The following STK32A variants were observed in gnomAD, a reference collection of about 807,000 sequenced individuals.
STK32A encodes serine/threonine-protein kinase 32A.
A neutral mutation model predicts 53.2 loss-of-function variants in STK32A; 41 were observed. That is an observed-to-expected ratio of 0.77 (90% CI 0.60 to 1.00). The LOEUF is 1.00. Ranked by LOEUF, STK32A falls within the 50% of genes least tolerant of loss-of-function variation. The pLI is 0.00. For missense variants in STK32A, 458 were observed against 485.8 expected, an observed-to-expected ratio of 0.94 and a Z score of 0.54; for synonymous variants, 166 against 162.8, an observed-to-expected ratio of 1.02 and a Z score of -0.15.
At chr5:147,245,533 T>G (rs1267244720) in intron 2 of STK32A, among the ~76,000 whole-genome samples, 1 of 152,110 alleles carries the variant, frequency 6.6e-6, no homozygotes, top group African/African-American at 2.4e-5. Flanking sequence ...AAAAAAGAAA[T>G]TTTTACAGGA....
At chr5:147,373,444 A>C (rs1757094814) in intron 10 of STK32A, 150 bp downstream of exon 10, 2 of 1,095,358 alleles carry the variant, frequency 1.8e-6, no homozygotes. Flanking sequence ...TGAGACATGC[A>C]CAGGGTAAGT....
chr5:147,372,739 G>A (rs1561754615), intron 9 of STK32A, among the ~76,000 whole-genome samples: 1 of 152,274 alleles, frequency 6.6e-6, no homozygotes, highest in African/African-American at 2.4e-5. Context: ...ACAATTCTTA[G>A]TAGGAAATGA....
the STK32A span, chr5:147,395,637 C>A: frequency 6.2e-6 from 10 of 1,613,914 alleles, no homozygotes; most frequent in African/African-American, 9.3e-5. Context: ...GCAGAGCCTG[C>A]GGGGGTGCCA....
chr5:147,368,011 GTA>G (rs1756844600), intron 8 of STK32A, among the ~76,000 whole-genome samples: 1 of 152,166 alleles, frequency 6.6e-6, no homozygotes, highest in Admixed American at 6.5e-5. Flanking sequence ...TTACAGAAAA[GTA>G]TATGTCTTAA....
chr5:147,339,564 C>T (rs1459688186), intron 5 of STK32A, among the ~76,000 whole-genome samples: 3 of 152,184 alleles, frequency 2.0e-5, no homozygotes, highest in East Asian at 3.9e-4. Context: ...GCTCCACCAA[C>T]AGTTTGCACC....
chr5:147,357,011 C>G (rs1023760774), intron 7 of STK32A, among the ~76,000 whole-genome samples: 2 of 152,060 alleles, frequency 1.3e-5, no homozygotes, highest in African/African-American at 4.8e-5. Context: ...TGTGTTCTCA[C>G]CACAGAAAAC....
chr5:147,384,986 A>G lies in STK32A; in HGVS notation c.*1003A>G, dbSNP rs1757594998. The G allele has an allele frequency of 6.6e-6, 1 of 152,430 alleles. No homozygotes were observed. The highest frequency in any genetic ancestry group is 1.5e-5 in the Non-Finnish European group (1 of 68,202). The allele number at this position is 152,430 out of a possible 1,614,324, so 9.4% of individuals were successfully genotyped here. On this transcript the variant is annotated 3_prime_UTR_variant, in exon 13 of 13. Coordinates refer to ENST00000397936, the MANE Select transcript of STK32A (RefSeq NM_001112724.2). ...AAGTATATGGGAAGTATCTTTTCTC[A>G]GTAAAGCCCAATACAGTGTCACCTT...
intron 5 of STK32A, among the ~76,000 whole-genome samples, chr5:147,334,753 C>G (rs1296484954): frequency 2.0e-5 from 3 of 152,146 alleles, no homozygotes; most frequent in Admixed American, 1.3e-4. Context: ...ATTTAGCATC[C>G]TCAGCTTATC....
intron 8 of STK32A, among the ~76,000 whole-genome samples, chr5:147,367,866 T>G (rs1275845396): frequency 6.6e-6 from 1 of 152,194 alleles, no homozygotes; most frequent in African/African-American, 2.4e-5. Flanking sequence ...AATGACCAAC[T>G]ATGCTACCTG....
intron 2 of STK32A, among the ~76,000 whole-genome samples, chr5:147,248,013 C>T (rs1413718773): frequency 2.0e-5 from 3 of 150,128 alleles, no homozygotes; most frequent in African/African-American, 4.9e-5. Flanking sequence ...CCCAGCTACT[C>T]GGGAGGCTGA....
intron 4 of STK32A, among the ~76,000 whole-genome samples, chr5:147,280,127 A>G (rs1751983799): frequency 6.6e-6 from 1 of 152,118 alleles, no homozygotes; most frequent in Non-Finnish European, 1.5e-5. Flanking sequence ...TGGGTCCACA[A>G]GCAGGCCATT....
intron 8 of STK32A, 138 bp downstream of exon 8, chr5:147,361,752 C>G: frequency 1.5e-6 from 1 of 671,320 alleles, no homozygotes; most frequent in South Asian, 1.8e-5. Flanking sequence ...TGATAACACC[C>G]CTTGAGATTT....
At chr5:147,348,454 G>C (rs189415578) in intron 6 of STK32A, among the ~76,000 whole-genome samples, 3 of 152,132 alleles carry the variant, frequency 2.0e-5, no homozygotes, top group Admixed American at 2.0e-4. Flanking sequence ...TAGAGTTGAG[G>C]GGGGACGGGG....
intron 2 of STK32A, among the ~76,000 whole-genome samples, chr5:147,270,874 T>C (rs1232310552): frequency 3.9e-5 from 6 of 152,230 alleles, no homozygotes; most frequent in Non-Finnish European, 5.9e-5. Context: ...AGCCAGTTAA[T>C]AATATCTGTA....
At chr5:147,247,574 T>C (rs1442376696) in intron 2 of STK32A, among the ~76,000 whole-genome samples, 1 of 152,206 alleles carries the variant, frequency 6.6e-6, no homozygotes, top group Non-Finnish European at 1.5e-5. Context: ...GAGAATTACT[T>C]AAAGCAGAGT....
Position 147,372,203 on chromosome 5 carries a change from G to A in STK32A, c.778-966G>A, listed in dbSNP as rs1480238253. Among the ~76,000 whole-genome samples the A allele has an allele frequency of 2.7e-5, 4 of 149,014 alleles. No homozygotes were observed. The East Asian group carries it at 6.3e-4, about 24-fold the overall frequency. Reference sequence around the variant, plus strand: ...AGATGAAGAACAGTTATAGCGGGAGGTCAAAAGTGTATATTGAGTGATGAT... The same window carrying A: ...AGATGAAGAACAGTTATAGCGGGAGATCAAAAGTGTATATTGAGTGATGAT... On this transcript the variant is annotated intron_variant, in intron 9 of 12. Transcript: ENST00000397936.
At chr5:147,272,542 A>G (rs940259870) in intron 2 of STK32A, among the ~76,000 whole-genome samples, 1 of 152,228 alleles carries the variant, frequency 6.6e-6, no homozygotes, top group African/African-American at 2.4e-5. Context: ...TTAACAATGT[A>G]TGCTCCTATT....
At position 147,260,179 on chromosome 5, in the gene STK32A, CCTCTCTCTCTCCT is replaced by C. The variant is rs1410078817; in HGVS notation, c.53-17935_53-17923del. 2.7e-4 allele frequency among the ~76,000 whole-genome samples: 3 copies of C among 11,118 alleles called. 1 individual carries two copies. Among genetic ancestry groups the C allele is most frequent in the Non-Finnish European group, 5.4e-4 (3 of 5,548 alleles). The allele number at this position is 11,118 out of a possible 152,430, so 7.3% of individuals were successfully genotyped here. On this transcript the variant is annotated intron_variant, in intron 2 of 12. Transcript: ENST00000397936. ...CTCCTCTCTGTCTCTCTCTCTCTCT[CCTCTCTCTCTCCT>C]CTCTCTCTCCTCTCTCTCTCCTCTC... is the stretch of plus-strand genomic sequence containing the variant.
intron 6 of STK32A, among the ~76,000 whole-genome samples, chr5:147,347,514 G>A (rs1391309167): frequency 6.6e-6 from 1 of 152,150 alleles, no homozygotes; most frequent in Non-Finnish European, 1.5e-5. Flanking sequence ...CCAGGGTTGG[G>A]AGGTGATATC....
Sources: allele counts gnomAD v4.1 joint callset (sites outside exome capture counted in the v4.1 genomes callset), GRCh38; gene constraint gnomAD v4.1.1; transcripts MANE v1.5; gene names NCBI Gene and HGNC (gene_info 2026-07-23, HGNC 2026-07-21).